Variants in TLN2 observed in about 807,000 individuals in gnomAD.
TLN2 encodes the protein talin-2.
A neutral mutation model predicts 294.7 loss-of-function variants in TLN2; 118 were observed. The ratio of observed to expected loss-of-function variants is 0.40; its 90% CI spans 0.34 to 0.47. TLN2 has a LOEUF of 0.47. Ranked by LOEUF, TLN2 falls within the 20% of genes least tolerant of loss-of-function variation. The pLI, the probability that TLN2 is intolerant of heterozygous loss-of-function variation, is 0.84. For missense variants in TLN2, 3,083 were observed against 3,282.2 expected (o/e 0.94, Z 1.48); for synonymous variants, 1,431 against 1,304.5 (o/e 1.10, Z -2.09).
intron 1 of TLN2, among the ~76,000 whole-genome samples, chr15:62,449,162 A>T (rs1217572601): frequency 2.0e-5 from 3 of 152,198 alleles, no homozygotes; most frequent in Non-Finnish European, 4.4e-5. Flanking sequence ...TTAACTCGTC[A>T]ACAGAAGCCC....
chr15:62,774,321 T>C (rs931935542), intron 42 of TLN2, among the ~76,000 whole-genome samples: 1 of 152,180 alleles, frequency 6.6e-6, no homozygotes, highest in Non-Finnish European at 1.5e-5. Context: ...TTTTCTCTTG[T>C]GTGGTGCCAT....
intron 28 of TLN2, among the ~76,000 whole-genome samples, chr15:62,729,634 G>A (rs1259701017): frequency 2.0e-5 from 3 of 152,088 alleles, no homozygotes; most frequent in African/African-American, 4.8e-5. Context: ...ATATTTAATG[G>A]ATTGGGTATC....
chr15:62,529,536 A>T (rs940746997), intron 1 of TLN2, among the ~76,000 whole-genome samples: 72 of 125,774 alleles, frequency 5.7e-4, no homozygotes, highest in African/African-American at 5.8e-4. Context: ...TGTTTTTTTT[A>T]TTTTTTTTCT....
chr15:62,699,717 T>G lies in TLN2; in HGVS notation c.1587+850T>G, dbSNP rs112329566. The stretch of plus-strand genomic sequence containing the variant: ...TAGCCAAGTTCCCAGCTTCTTTGGG[T>G]GACCATTAAAGTTTGAGAAGCACCG... On this transcript the variant is annotated intron_variant, in intron 16 of 58. Coordinates refer to ENST00000636159, the MANE Select transcript of TLN2 (RefSeq NM_015059.3). Among the ~76,000 whole-genome samples the G allele has an allele frequency of 2.0e-5, 3 of 152,324 alleles. 1 individual carries two copies. Among genetic ancestry groups the G allele is most frequent in the African/African-American group, 7.2e-5 (3 of 41,572 alleles).
At chr15:62,837,526 CAGAT>C (rs1258325836) in intron 57 of TLN2, among the ~76,000 whole-genome samples, 1 of 152,168 alleles carries the variant, frequency 6.6e-6, no homozygotes, top group African/African-American at 2.4e-5. Flanking sequence ...AGGATTTACA[CAGAT>C]AGAATGCAGC....
intron 11 of TLN2, among the ~76,000 whole-genome samples, chr15:62,677,711 CCTCT>C (rs1254983066): frequency 6.6e-6 from 1 of 151,704 alleles, no homozygotes; most frequent in East Asian, 1.9e-4. Flanking sequence ...CTCTCCCTTT[CCTCT>C]CTTTCTTTCC....
Position 62,731,282 on chromosome 15 carries a change from A to AT in TLN2, c.3358+4105dup, listed in dbSNP as rs59180628. On this transcript the variant is annotated intron_variant, in intron 28 of 58. Coordinates refer to ENST00000636159, the MANE Select transcript of TLN2 (RefSeq NM_015059.3). ...CTGTAGCCTGTTTTTATTGTCAGGG[A>AT]TTTTTTTTTTTTCCCACCTCTTGGT... is the stretch of plus-strand genomic sequence containing the variant. Among the ~76,000 whole-genome samples the AT allele has an allele frequency of 2.4e-3, 340 of 140,470 alleles. 2 individuals carry two copies. The highest frequency in any genetic ancestry group is 6.0e-3 in the African/African-American group (230 of 38,350). The allele number at this position is 140,470 out of a possible 152,430, so 92.2% of individuals were successfully genotyped here.
At position 62,755,636 on chromosome 15, in the gene TLN2, C is replaced by G; in HGVS notation, c.4581C>G (p.Phe1527Leu). The G allele has an allele frequency of 6.2e-7, 1 of 1,614,228 alleles. No individual in the cohort carries two copies. Among genetic ancestry groups the G allele is most frequent in the Non-Finnish European group, 8.5e-7 (1 of 1,180,046 alleles). ...CCAACCCAGTAGCCAAGAGGCACTTCGTCCAGTCAGCCAAGGAAGTCGCCA... is the reference window on the plus strand; with the variant it reads ...CCAACCCAGTAGCCAAGAGGCACTTGGTCCAGTCAGCCAAGGAAGTCGCCA... ...KTANPVAKRHFVQSAKEVANS... is the reference protein window; with the variant it reads ...KTANPVAKRHLVQSAKEVANS... The change falls in exon 37 of 59, where the codon TTC (phenylalanine) becomes TTG (leucine). Residue 1527 changes from phenylalanine to leucine, a missense_variant. By Grantham distance (22) the Phe-to-Leu change is conservative (BLOSUM62 0). Transcript: ENST00000636159.
At chr15:62,742,428 C>A (rs2061391260) in intron 32 of TLN2, among the ~76,000 whole-genome samples, 1 of 152,070 alleles carries the variant, frequency 6.6e-6, no homozygotes, top group Non-Finnish European at 1.5e-5. Flanking sequence ...CAATTTTTTG[C>A]ATCATTTCAA....
intron 1 of TLN2, among the ~76,000 whole-genome samples, chr15:62,463,603 C>T (rs112765230): frequency 2.9e-4 from 44 of 152,278 alleles, no homozygotes; most frequent in Non-Finnish European, 4.9e-4. Flanking sequence ...AGTCAGGAAA[C>T]AGGCCGGCGC....
At position 62,841,588 on chromosome 15, in the gene TLN2, GC is replaced by G. The variant is rs1457337336; in HGVS notation, c.*980del. On this transcript the variant is annotated 3_prime_UTR_variant, in exon 59 of 59. Transcript: ENST00000636159. ...TGTCCCCTGTCCTCCAACCCAAAAC[GC>G]CTTTTTTTCTGTCTTAATATCCAGA... is the stretch of plus-strand genomic sequence containing the variant. The G allele has an allele frequency of 6.6e-6, 1 of 152,014 alleles. No homozygotes were observed. The highest frequency in any genetic ancestry group is 1.5e-5 in the Non-Finnish European group (1 of 68,000). 9.4% of individuals were successfully genotyped at this position (152,014 alleles called of 1,614,324 possible). A position where few individuals can be genotyped will look rare whatever the true frequency, so the allele number is the denominator to read the frequency against.
At chr15:62,690,874 C>T (rs1402146079) in intron 12 of TLN2, among the ~76,000 whole-genome samples, 3 of 151,628 alleles carry the variant, frequency 2.0e-5, no homozygotes, top group Admixed American at 6.5e-5. Context: ...ACCAGTCAGG[C>T]GTGGCGGTGC....
In TLN2 at chr15:62,712,926, A is replaced by G. The variant is rs146132470; in HGVS notation, c.2634+849A>G. Among the ~76,000 whole-genome samples, 77 of 152,310 alleles carry G rather than the reference A, an allele frequency of 5.1e-4. 1 individual carries two copies. The East Asian group carries it at 0.012, about 23-fold the overall frequency. ...AAAAAAGAAAATAAAAATCACCTTC[A>G]AATTCCTGCCCTCAAAATAATATTT... On this transcript the variant is annotated intron_variant, in intron 22 of 58. Transcript: ENST00000636159.
At chr15:62,612,333 C>T (rs749520410) in intron 2 of TLN2, among the ~76,000 whole-genome samples, 1 of 152,150 alleles carries the variant, frequency 6.6e-6, no homozygotes, top group Non-Finnish European at 1.5e-5. Flanking sequence ...GTCAGTGTCA[C>T]AGTCTGCTGC....
At chr15:62,604,834 A>G (rs531486107) in intron 2 of TLN2, among the ~76,000 whole-genome samples, 25 of 152,036 alleles carry the variant, frequency 1.6e-4, no homozygotes, top group African/African-American at 6.0e-4. Context: ...ACGCAAGCCT[A>G]CCATCCTGTA....
intron 28 of TLN2, chr15:62,733,961 A>T (rs1749124042): frequency 6.6e-6 from 1 of 152,156 alleles, no homozygotes; most frequent in African/African-American, 2.4e-5. Context: ...TCAGCCATGC[A>T]CCGCCATGGG....
intron 28 of TLN2, among the ~76,000 whole-genome samples, chr15:62,728,865 A>G (rs957012973): frequency 6.6e-6 from 1 of 152,052 alleles, no homozygotes; most frequent in Admixed American, 6.5e-5. Flanking sequence ...AATATATTCC[A>G]ATTTATACTT....
At chr15:62,707,332 G>C in intron 20 of TLN2, 79 bp downstream of exon 20, 1 of 1,462,924 alleles carries the variant, frequency 6.8e-7, no homozygotes, top group Non-Finnish European at 9.1e-7. Context: ...GTGTGTAGCA[G>C]GGGCAGAATT....
At chr15:62,740,055 T>G (rs572512488) in intron 31 of TLN2, among the ~76,000 whole-genome samples, 4 of 151,386 alleles carry the variant, frequency 2.6e-5, no homozygotes, top group East Asian at 1.9e-4. Flanking sequence ...TTGTTTTTTT[T>G]TTTTTTTCTG....
Sources: gnomAD v4.1 joint callset for allele counts (sites outside exome capture counted in the v4.1 genomes callset) on GRCh38, gnomAD v4.1.1 for gene constraint, MANE v1.5 for transcripts, NCBI Gene and HGNC (gene_info 2026-07-23, HGNC 2026-07-21) for gene names.